DLC1: variants seen among roughly 807,000 people sequenced by gnomAD.
The protein encoded by DLC1 is DLC1 Rho GTPase activating protein.
A neutral mutation model predicts 140.3 loss-of-function variants in DLC1; 54 were observed. The ratio of observed to expected loss-of-function variants is 0.38; its 90% CI spans 0.31 to 0.48. The LOEUF (loss-of-function observed/expected upper bound fraction) is 0.48. Among genes scored for constraint, DLC1 ranks in the 20% least tolerant of loss-of-function variants. The probability of loss-of-function intolerance (pLI) is 0.96; values close to 1 mark genes in which losing one functional copy is unlikely to be tolerated. For missense variants in DLC1, 2,536 were observed against 1,907.0 expected, an observed-to-expected ratio of 1.33 and a Z score of -6.14; for synonymous variants, 986 against 728.1, an observed-to-expected ratio of 1.35 and a Z score of -5.70.
At chr8:13,457,612 G>C (rs2117008019) in intron 2 of DLC1, among the ~76,000 whole-genome samples, 1 of 140,232 alleles carries the variant, frequency 7.1e-6, no homozygotes, top group East Asian at 2.2e-4. Context: ...GGGAGGCGGA[G>C]CTTGCAGTGA....
chr8:13,127,787 C>A (rs777001155), intron 5 of DLC1, among the ~76,000 whole-genome samples: 5 of 152,196 alleles, frequency 3.3e-5, no homozygotes, highest in African/African-American at 7.2e-5. Context: ...AAGGAAGGCG[C>A]CTTTCTGACA....
In DLC1 at chr8:13,462,941, T is replaced by C. The variant is rs575801539; in HGVS notation, c.1023+36108A>G. ...ATTGTTGCTTATGATGATGCATAGG[T>C]ATCATTAGCACAAAGAATAAAAATA... On this transcript the variant is annotated intron_variant, in intron 2 of 17. Coordinates refer to ENST00000276297, the MANE Select transcript of DLC1 (RefSeq NM_182643.3). Among the ~76,000 whole-genome samples, 4 of 152,250 alleles carry C rather than the reference T, an allele frequency of 2.6e-5. No homozygotes were observed. In the East Asian group the frequency reaches 7.7e-4, roughly 29 times the overall value.
intron 5 of DLC1, among the ~76,000 whole-genome samples, chr8:13,200,701 C>T (rs1585897672): frequency 6.6e-6 from 1 of 151,868 alleles, no homozygotes; most frequent in African/African-American, 2.4e-5. Context: ...AACTCCAGGG[C>T]TCAAGAGATC....
chr8:13,480,936 G>T (rs1188353656), intron 2 of DLC1, among the ~76,000 whole-genome samples: 1 of 152,050 alleles, frequency 6.6e-6, no homozygotes, highest in East Asian at 1.9e-4. Flanking sequence ...TGTAAGTAAA[G>T]ATAATCTGAG....
At chr8:13,566,892 G>A in intron 1 of DLC1, 1 of 1,399,556 alleles carries the variant, frequency 7.1e-7, no homozygotes, top group African/African-American at 1.5e-5. Flanking sequence ...CAGAGCTGAT[G>A]GCATTGAGAT....
intron 1 of DLC1, chr8:13,536,262 A>G (rs1803280277): frequency 6.6e-6 from 1 of 152,262 alleles, no homozygotes; most frequent in Admixed American, 6.5e-5. Context: ...GGAGAGACAA[A>G]TAACAGTAGG....
At chr8:13,366,098 A>G (rs910878507) in intron 4 of DLC1, among the ~76,000 whole-genome samples, 6 of 152,228 alleles carry the variant, frequency 3.9e-5, no homozygotes, top group Non-Finnish European at 7.3e-5. Flanking sequence ...CATAAAGACC[A>G]CAGAATTATA....
chr8:13,256,350 A>G (rs1348160523), intron 5 of DLC1, among the ~76,000 whole-genome samples: 2 of 152,168 alleles, frequency 1.3e-5, no homozygotes, highest in African/African-American at 4.8e-5. Context: ...CTAGTTATTG[A>G]CCCAGCAATC....
Position 13,427,945 on chromosome 8 carries a change from G to A in DLC1, c.1024-26326C>T, listed in dbSNP as rs964538671. Among the ~76,000 whole-genome samples the A allele has an allele frequency of 5.9e-5, 9 of 152,136 alleles. No individual in the cohort carries two copies. The East Asian group carries it at 9.6e-4, about 16-fold the overall frequency. ...ATAGTGGTCATTCCACACTCTGACT[G>A]CTTGACCATCTGGCCAGAAATCCAG... On this transcript the variant is annotated intron_variant, in intron 2 of 17. Transcript: ENST00000276297.
chr8:13,456,650 G>A (rs1318531917), intron 2 of DLC1, among the ~76,000 whole-genome samples: 1 of 151,918 alleles, frequency 6.6e-6, no homozygotes, highest in African/African-American at 2.4e-5. Flanking sequence ...GTAGAGATGG[G>A]GTTTCACCAT....
At chr8:13,442,362 A>C (rs754322516) in intron 2 of DLC1, among the ~76,000 whole-genome samples, 2 of 152,242 alleles carry the variant, frequency 1.3e-5, no homozygotes, top group Non-Finnish European at 2.9e-5. Flanking sequence ...ATGGGATCTA[A>C]TTAAGCTAAG....
chr8:13,484,178 T>C (rs1025233008), intron 2 of DLC1, among the ~76,000 whole-genome samples: 8 of 152,212 alleles, frequency 5.3e-5, no homozygotes, highest in African/African-American at 1.4e-4. Flanking sequence ...AGAGGCCAGT[T>C]AAGAAAACGT....
chr8:13,486,732 A>AT, intron 2 of DLC1, among the ~76,000 whole-genome samples: 1 of 21,014 alleles, frequency 4.8e-5, no homozygotes, highest in Non-Finnish European at 2.5e-4. Context: ...GACACCTAGC[A>AT]TGGTCCACTG....
chr8:13,110,644 C>T (rs1192333206), intron 7 of DLC1, 98 bp downstream of exon 7: 16 of 1,173,238 alleles, frequency 1.4e-5, no homozygotes, highest in Non-Finnish European at 1.8e-5. Context: ...AAACCTAACA[C>T]AATTAGCAAG....
chr8:13,538,482 T>A (rs1803371266), intron 1 of DLC1, among the ~76,000 whole-genome samples: 3 of 152,056 alleles, frequency 2.0e-5, no homozygotes, highest in Admixed American at 2.0e-4. Flanking sequence ...CGAGCAGATA[T>A]GATGCCGAGA....
At chr8:13,577,347 G>A (rs547028803) in intron 1 of DLC1, among the ~76,000 whole-genome samples, 1 of 152,238 alleles carries the variant, frequency 6.6e-6, no homozygotes, top group Admixed American at 6.5e-5. Context: ...TATGCGATGG[G>A]TCAGTGTCCG....
At chr8:13,443,105 C>CA (rs1585115984) in intron 2 of DLC1, among the ~76,000 whole-genome samples, 1 of 139,082 alleles carries the variant, frequency 7.2e-6, no homozygotes, top group Non-Finnish European at 1.5e-5. Flanking sequence ...ATCTCAAGGA[C>CA]AAAAAACCAA....
intron 5 of DLC1, among the ~76,000 whole-genome samples, chr8:13,119,134 T>C (rs1243727604): frequency 6.7e-6 from 1 of 148,964 alleles, no homozygotes; most frequent in East Asian, 2.0e-4. Flanking sequence ...GGGGCTGAAG[T>C]GGAAGGACCT....
chr8:13,241,515 T>C (rs1029289002), intron 5 of DLC1, among the ~76,000 whole-genome samples: 1 of 152,176 alleles, frequency 6.6e-6, no homozygotes, highest in Non-Finnish European at 1.5e-5. Flanking sequence ...AAAGGTAGAC[T>C]ATAAAAGGAA....
Sources: allele counts gnomAD v4.1 joint callset (sites outside exome capture counted in the v4.1 genomes callset), GRCh38; gene constraint gnomAD v4.1.1; transcripts MANE v1.5; gene names NCBI Gene and HGNC (gene_info 2026-07-23, HGNC 2026-07-21).